The following JAKMIP3 variants were observed in gnomAD, a reference collection of about 807,000 sequenced individuals.
The protein encoded by JAKMIP3 is Janus kinase and microtubule interacting protein 3.
Under a neutral mutation model 118.5 loss-of-function variants are expected in JAKMIP3, and 58 were observed. The observed-to-expected ratio is 0.49, with a 90% confidence interval of 0.40 to 0.61. The LOEUF is 0.61. JAKMIP3 is among the 20% of genes least tolerant of loss of function. JAKMIP3 has a pLI of 0.00. For missense variants in JAKMIP3, 950 were observed against 1,109.0 expected, an observed-to-expected ratio of 0.86 and a Z score of 2.04; for synonymous variants, 486 against 451.2, an observed-to-expected ratio of 1.08 and a Z score of -0.98.
Position 132,145,522 on chromosome 10 carries a change from T to C in JAKMIP3, c.1691T>C (p.Met564Thr), listed in dbSNP as rs143832937. The C allele has an allele frequency of 9.1e-5, 142 of 1,558,588 alleles. 1 individual carries two copies. The African/African-American group carries it at 1.7e-3, about 19-fold the overall frequency. Residue 564 changes from methionine (M) to threonine (T), a missense_variant, in exon 13 of 24, where the codon ATG becomes ACG. Met to Thr is a moderately conservative substitution (Grantham distance 81, BLOSUM62 -1). Transcript: ENST00000684848. ...EKALAEQGQD[M>T]KWIEEKQALY... ...TCTTTCAATTCCATTTGCAAGGATA[T>C]GAAGTGGATTGAAGAGAAGCAGGCA...
At chr10:132,139,481 TGTGTGA>T (rs1365586958) in intron 9 of JAKMIP3, among the ~76,000 whole-genome samples, 1 of 146,660 alleles carries the variant, frequency 6.8e-6, no homozygotes, top group Non-Finnish European at 1.5e-5. Context: ...TGTGTGAGTG[TGTGTGA>T]GAGTATGTGA....
chr10:132,166,266 C>T (rs1476694193), intron 21 of JAKMIP3, among the ~76,000 whole-genome samples: 1 of 152,156 alleles, frequency 6.6e-6, no homozygotes, highest in African/African-American at 2.4e-5. Context: ...GTTGAGGCTG[C>T]AGTGAGCCAT....
intron 1 of JAKMIP3, among the ~76,000 whole-genome samples, chr10:132,069,220 C>T (rs1296829900): frequency 4.6e-5 from 7 of 152,144 alleles, no homozygotes; most frequent in Admixed American, 4.6e-4. Context: ...CCCAGGTCTT[C>T]CTGCCTGAGG....
Position 132,137,049 on chromosome 10 carries a change from A to G in JAKMIP3, c.1147A>G (p.Ser383Gly), listed in dbSNP as rs1418736155. 3 of 1,613,946 alleles carry G rather than the reference A, an allele frequency of 1.9e-6. No homozygotes were observed. The highest frequency in any genetic ancestry group is 2.5e-6 in the Non-Finnish European group (3 of 1,179,856). Reference sequence around the variant, plus strand: ...GAGAGCTGGAATCATACGGAGACCCAGTTCCTTGAATGACCTTGATCAAAG... The same window carrying G: ...GAGAGCTGGAATCATACGGAGACCCGGTTCCTTGAATGACCTTGATCAAAG... The part of the protein sequence containing the change: ...RQRAGIIRRP[S>G]SLNDLDQSQD... Residue 383 changes from serine to glycine, a missense_variant, in exon 7 of 24, where the codon AGT becomes GGT. Ser to Gly is a moderately conservative substitution (Grantham distance 56). Transcript: ENST00000684848.
chr10:132,143,146 GT>G lies in JAKMIP3; in HGVS notation c.1602+1099del, dbSNP rs201393900. ...TGCCCTCCTCCTGTCCTGAGTCGGG[GT>G]GGGGGGGGCTGGCCTTGGAGGGGGC... On this transcript the variant is annotated intron_variant, in intron 11 of 23. Coordinates refer to ENST00000684848, the MANE Select transcript of JAKMIP3 (RefSeq NM_001323087.2). 1.5e-4 allele frequency among the ~76,000 whole-genome samples: 23 copies of G among 150,560 alleles called. 1 individual carries two copies. The highest frequency in any genetic ancestry group is 5.8e-4 in the African/African-American group (23 of 39,928).
At chr10:132,113,362 C>T (rs868537030) in intron 2 of JAKMIP3, among the ~76,000 whole-genome samples, 2 of 152,208 alleles carry the variant, frequency 1.3e-5, no homozygotes, top group African/African-American at 4.8e-5. Context: ...CAGTGCACAG[C>T]CCTGAGATGC....
At chr10:132,079,135 C>CGG (rs1176277580) in intron 1 of JAKMIP3, among the ~76,000 whole-genome samples, 13 of 139,348 alleles carry the variant, frequency 9.3e-5, no homozygotes, top group African/African-American at 3.0e-4. Context: ...GCAACGTGGG[C>CGG]ACCTGGCCTG....
intron 23 of JAKMIP3, among the ~76,000 whole-genome samples, chr10:132,172,652 T>C (rs1390138634): frequency 6.6e-6 from 1 of 151,920 alleles, no homozygotes; most frequent in East Asian, 1.9e-4. Flanking sequence ...AGGCTGTTAA[T>C]GTCTCTTCAC....
chr10:132,164,758 G>T, intron 21 of JAKMIP3, 23 bp downstream of exon 21: 3 of 1,561,574 alleles, frequency 1.9e-6, no homozygotes, highest in Non-Finnish European at 2.6e-6. Context: ...CAGTTTTGGG[G>T]GTTGCTTGTT....
At chr10:132,088,921 C>T (rs1396701627) in intron 1 of JAKMIP3, among the ~76,000 whole-genome samples, 2 of 152,218 alleles carry the variant, frequency 1.3e-5, no homozygotes, top group Non-Finnish European at 2.9e-5. Flanking sequence ...CAGCTTTCCA[C>T]ATATGGCTAG....
intron 1 of JAKMIP3, among the ~76,000 whole-genome samples, chr10:132,097,964 T>TCTTTC (rs2044219709): frequency 3.5e-5 from 1 of 28,938 alleles, no homozygotes; most frequent in Non-Finnish European, 8.5e-5. Flanking sequence ...CCTTTCCCTT[T>TCTTTC]CCTTCCTTTT....
chr10:132,111,909 C>G (rs556556525), intron 2 of JAKMIP3, among the ~76,000 whole-genome samples: 3 of 151,890 alleles, frequency 2.0e-5, no homozygotes, highest in Non-Finnish European at 4.4e-5. Flanking sequence ...GGGTGGCAGC[C>G]GTGGAGGGGC....
At chr10:132,154,139 C>A (rs2056696881) in intron 19 of JAKMIP3, 149 bp downstream of exon 19, 4 of 659,676 alleles carry the variant, frequency 6.1e-6, no homozygotes, top group South Asian at 3.8e-5. Flanking sequence ...ACAGCAGGCT[C>A]TGGCTCTCCA....
intron 23 of JAKMIP3, among the ~76,000 whole-genome samples, chr10:132,175,667 C>A (rs1012471371): frequency 6.6e-6 from 1 of 152,170 alleles, no homozygotes; most frequent in African/African-American, 2.4e-5. Flanking sequence ...CAATGAGCAG[C>A]CCTGCTCTTC....
chr10:132,148,350 C>T (rs952432240), intron 14 of JAKMIP3, among the ~76,000 whole-genome samples: 1 of 152,110 alleles, frequency 6.6e-6, no homozygotes, highest in Admixed American at 6.5e-5. Context: ...TGGCCCGTGG[C>T]GCTCAGTGTC....
chr10:132,041,467 G>A (rs937912170), intron 1 of JAKMIP3, among the ~76,000 whole-genome samples: 9 of 152,226 alleles, frequency 5.9e-5, no homozygotes, highest in East Asian at 1.9e-4. Context: ...CTGCTGCCCC[G>A]GACGGGCACA....
At chr10:132,062,558 G>A (rs539809559), upstream of JAKMIP3, among the ~76,000 whole-genome samples, 43 of 152,378 alleles carry the variant, frequency 2.8e-4, no homozygotes, top group African/African-American at 8.7e-4. Flanking sequence ...GCACCAGTGC[G>A]GATAGCCCTC....
chr10:132,139,069 TATGTGTATGTGTGTGTGAGTGC>T, intron 9 of JAKMIP3, among the ~76,000 whole-genome samples: 1 of 146,488 alleles, frequency 6.8e-6, no homozygotes, highest in East Asian at 2.1e-4. Context: ...TGTGTGTGTG[TATGTGTATGTGTGTGTGAGTGC>T]GTGTATGTGT....
At chr10:132,153,735 C>T in intron 17 of JAKMIP3, 24 bp from the exon 18 acceptor site, 1 of 1,612,182 alleles carries the variant, frequency 6.2e-7, no homozygotes, top group Non-Finnish European at 8.5e-7. Context: ...GGGTCACTGT[C>T]CTGCTTGTTC....
Sources: gnomAD v4.1 joint callset for allele counts (sites outside exome capture counted in the v4.1 genomes callset) on GRCh38, gnomAD v4.1.1 for gene constraint, MANE v1.5 for transcripts, NCBI Gene and HGNC (gene_info 2026-07-23, HGNC 2026-07-21) for gene names.